SEC14L1: variants seen among roughly 807,000 people sequenced by gnomAD.
SEC14L1 encodes SEC14-like protein 1.
A neutral mutation model predicts 85.3 loss-of-function variants in SEC14L1; 48 were observed. The observed-to-expected ratio is 0.56, with a 90% CI of 0.45 to 0.72. The LOEUF is 0.72. Among genes scored for constraint, SEC14L1 ranks in the 30% least tolerant of loss-of-function variants. The probability of loss-of-function intolerance (pLI) is 0.00; values close to 1 mark genes in which losing one functional copy is unlikely to be tolerated. For synonymous variants in SEC14L1, 391 were observed against 355.5 expected (o/e 1.10, Z -1.12); for missense variants, 682 against 921.4 (o/e 0.74, Z 3.36).
At chr17:77,112,508 A>C (rs528601265) in intron 3 of SEC14L1, among the ~76,000 whole-genome samples, 67 of 152,280 alleles carry the variant, frequency 4.4e-4, no homozygotes, top group South Asian at 4.1e-3. Context: ...ACGTCTTTGC[A>C]ATGTTCATTA....
At chr17:77,135,478 TTCTTTCTCTCTTTG>T (rs549389883) in intron 3 of SEC14L1, among the ~76,000 whole-genome samples, 2 of 152,144 alleles carry the variant, frequency 1.3e-5, no homozygotes, top group East Asian at 1.9e-4. Flanking sequence ...CTGTAATTCT[TTCTTTCTCTCTTTG>T]TCTTTCTCTC....
chr17:77,182,430 C>G (rs1302828997), intron 3 of SEC14L1, among the ~76,000 whole-genome samples: 1 of 152,088 alleles, frequency 6.6e-6, no homozygotes, highest in Non-Finnish European at 1.5e-5. Flanking sequence ...GAAGCAGTTA[C>G]CCGGGAGGAG....
chr17:77,109,759 T>C (rs1287131974), intron 3 of SEC14L1, among the ~76,000 whole-genome samples: 1 of 152,246 alleles, frequency 6.6e-6, no homozygotes, highest in Non-Finnish European at 1.5e-5. Flanking sequence ...CCGTTCCATA[T>C]GTTCTAAAAG....
rs577734249 is a variant in SEC14L1, at chr17:77,160,451, A to G, written c.63+16792A>G. ...TAGGAATGGTTTTTGAATATCATGC[A>G]TGTTTTGGTTTCCTTTGGATGCTTT... On this transcript the variant is annotated intron_variant, in intron 3 of 16. Transcript: ENST00000436233. Among the ~76,000 whole-genome samples the G allele has an allele frequency of 1.6e-3, 239 of 152,346 alleles. 1 individual carries two copies. Among genetic ancestry groups the G allele is most frequent in the Non-Finnish European group, 2.0e-3 (136 of 68,032 alleles).
At chr17:77,106,103 T>C (rs1261021345) in intron 3 of SEC14L1, among the ~76,000 whole-genome samples, 2 of 152,174 alleles carry the variant, frequency 1.3e-5, no homozygotes, top group Non-Finnish European at 2.9e-5. Context: ...ATTGAAATTA[T>C]TTGGTTCTGG....
intron 3 of SEC14L1, among the ~76,000 whole-genome samples, chr17:77,133,589 G>A (rs928034684): frequency 1.3e-5 from 2 of 152,122 alleles, no homozygotes; most frequent in African/African-American, 2.4e-5. Flanking sequence ...CACCCATCAA[G>A]GCTTCCATTC....
chr17:77,123,692 CGAG>C (rs1427792843), intron 3 of SEC14L1, among the ~76,000 whole-genome samples: 2 of 151,604 alleles, frequency 1.3e-5, no homozygotes, highest in African/African-American at 4.8e-5. Context: ...GGATTACAGG[CGAG>C]AGCCACCACA....
intron 3 of SEC14L1, among the ~76,000 whole-genome samples, chr17:77,135,170 C>T (rs1972754978): frequency 6.6e-6 from 1 of 152,156 alleles, no homozygotes; most frequent in South Asian, 2.1e-4. Context: ...AGCAGGGCAT[C>T]ACTTCTCTCT....
intron 3 of SEC14L1, among the ~76,000 whole-genome samples, chr17:77,172,263 C>T (rs775318634): frequency 1.4e-4 from 22 of 152,054 alleles, no homozygotes; most frequent in Non-Finnish European, 5.9e-5. Flanking sequence ...AAGAGTGGAG[C>T]CCTTGACCGC....
At position 77,213,982 on chromosome 17, in the gene SEC14L1, T is replaced by A. The variant is rs747475365; in HGVS notation, c.2107T>A (p.Ser703Thr). 1 of 1,612,560 alleles carries A rather than the reference T, an allele frequency of 6.2e-7. No individual in the cohort carries two copies. The highest frequency in any genetic ancestry group is 1.3e-5 in the African/African-American group (1 of 74,784). ...GFSQLSAATT[S>T]SSQSHSSSMI... ...CTCCCAGCTGAGTGCCGCCACCACC[T>A]CCTCCAGCCAGTCCCACTCCAGCTC... Residue 703 changes from serine to threonine, a missense_variant, in exon 17 of 17, where the codon TCC (serine) becomes ACC (threonine). Ser to Thr is a moderately conservative substitution (Grantham distance 58). Around this residue, in one of 3 missense-constraint regions of SEC14L1, gnomAD observed 420 missense variants for 619.5 expected, o/e 0.68. Coordinates refer to ENST00000436233, the MANE Select transcript of SEC14L1 (RefSeq NM_001143998.2). The surrounding 1 kb of genome is among the most constrained non-coding windows in gnomAD (Gnocchi z 7.1).
intron 3 of SEC14L1, among the ~76,000 whole-genome samples, chr17:77,106,357 C>A (rs1376193726): frequency 6.6e-6 from 1 of 151,306 alleles, no homozygotes; most frequent in African/African-American, 2.4e-5. Context: ...TATGGTGAAA[C>A]CCCGTCTCTA....
chr17:77,216,338 AG>A lies in SEC14L1; in HGVS notation c.*2318del, dbSNP rs1977088680. 1.5e-6 allele frequency: 2 copies of A among 1,334,610 alleles called. No individual in the cohort carries two copies. Among genetic ancestry groups the A allele is most frequent in the African/African-American group, 1.5e-5 (1 of 65,032 alleles). 82.7% of individuals were successfully genotyped at this position (1,334,610 alleles called of 1,614,324 possible). The stretch of plus-strand genomic sequence containing the variant: ...GGGCTAGTAGGTAGGGCTAGTAGGT[AG>A]GGTTAGTAGGTAGGGCTAGTAGGTA... On this transcript the variant is annotated 3_prime_UTR_variant, in exon 17 of 17. Coordinates refer to ENST00000436233, the MANE Select transcript of SEC14L1 (RefSeq NM_001143998.2).
chr17:77,215,077 ATGTGCTGTG>A lies in SEC14L1; in HGVS notation c.*1059_*1067del. 1.5e-5 allele frequency: 15 copies of A among 984,642 alleles called. No individual in the cohort carries two copies. Among genetic ancestry groups the A allele is most frequent in the Non-Finnish European group, 1.8e-5 (15 of 829,568 alleles). The allele number at this position is 984,642 out of a possible 1,614,324, so 61.0% of individuals were successfully genotyped here. A position where few individuals can be genotyped will look rare whatever the true frequency, so the allele number is the denominator to read the frequency against. ...TGGACTCATGCGTGTGTGTGTGTGC[ATGTGCTGTG>A]TGTGTGCATGTGTGCATGACGGTGG... On this transcript the variant is annotated 3_prime_UTR_variant, in exon 17 of 17. Coordinates refer to ENST00000436233, the MANE Select transcript of SEC14L1 (RefSeq NM_001143998.2).
intron 3 of SEC14L1, among the ~76,000 whole-genome samples, chr17:77,096,281 T>A (rs1971640475): frequency 6.6e-6 from 1 of 151,278 alleles, no homozygotes; most frequent in Non-Finnish European, 1.5e-5. Flanking sequence ...ACTATGAGGC[T>A]GGGTGTGGTG....
intron 3 of SEC14L1, among the ~76,000 whole-genome samples, chr17:77,132,220 C>A (rs1272661263): frequency 6.7e-6 from 1 of 150,132 alleles, no homozygotes; most frequent in East Asian, 1.9e-4. Context: ...CTTTATTCTG[C>A]ATGGAATTTT....
intron 3 of SEC14L1, among the ~76,000 whole-genome samples, chr17:77,130,574 C>T (rs998340660): frequency 2.0e-5 from 3 of 152,106 alleles, no homozygotes; most frequent in Non-Finnish European, 4.4e-5. Context: ...TCACCTGCCT[C>T]GACCTCCCAA....
rs373746632 is a variant in SEC14L1 at position 77,190,795 on chromosome 17, A to G, written c.64-8A>G. ...TCACTTCTGCTTTCTTGGTTTTTAAATTTATAGGCCTATGAAAGGAGGTTC... is the reference window on the plus strand; with the variant it reads ...TCACTTCTGCTTTCTTGGTTTTTAAGTTTATAGGCCTATGAAAGGAGGTTC... On this transcript the variant is annotated splice_region_variant and splice_polypyrimidine_tract_variant and intron_variant, in intron 3 of 16. Coordinates refer to ENST00000436233, the MANE Select transcript of SEC14L1 (RefSeq NM_001143998.2). 6.2e-7 allele frequency: 1 copy of G among 1,613,972 alleles called. No homozygotes were observed. The highest frequency in any genetic ancestry group is 8.5e-7 in the Non-Finnish European group (1 of 1,179,922).
At chr17:77,168,889 G>T (rs763634509) in intron 3 of SEC14L1, among the ~76,000 whole-genome samples, 6 of 151,770 alleles carry the variant, frequency 4.0e-5, no homozygotes, top group Non-Finnish European at 7.4e-5. Flanking sequence ...GAACAGTGCA[G>T]ATTTGAATCT....
intron 3 of SEC14L1, among the ~76,000 whole-genome samples, chr17:77,134,265 T>TC (rs1238904837): frequency 6.6e-6 from 1 of 151,866 alleles, no homozygotes; most frequent in Non-Finnish European, 1.5e-5. Flanking sequence ...TTTTTTTTTT[T>TC]TGGAGACATG....
Sources: gnomAD v4.1 joint callset for allele counts (sites outside exome capture counted in the v4.1 genomes callset) on GRCh38, gnomAD v4.1.1 for gene constraint, gnomAD v4.1.1 regional missense constraint, Gnocchi (gnomAD v3.1) non-coding constraint, MANE v1.5 for transcripts, NCBI Gene and HGNC (gene_info 2026-07-23, HGNC 2026-07-21) for gene names.